The following OTOGL variants were observed in gnomAD, a reference collection of about 807,000 sequenced individuals.
OTOGL encodes the protein otogelin-like protein.
Under a neutral mutation model 318.5 loss-of-function variants are expected in OTOGL, and 285 were observed. The ratio of observed to expected loss-of-function variants is 0.89; its 90% CI spans 0.81 to 0.99. The LOEUF (loss-of-function observed/expected upper bound fraction) is 0.99. Ranked by LOEUF, OTOGL falls within the 50% of genes least tolerant of loss-of-function variation. The probability of loss-of-function intolerance (pLI) is 0.00; values close to 1 mark genes in which losing one functional copy is unlikely to be tolerated. For missense variants in OTOGL, 2,899 were observed against 2,845.6 expected, an observed-to-expected ratio of 1.02 and a Z score of -0.43; for synonymous variants, 987 against 936.5, an observed-to-expected ratio of 1.05 and a Z score of -0.99.
intron 52 of OTOGL, among the ~76,000 whole-genome samples, chr12:80,362,588 A>G (rs1890302871): frequency 6.6e-6 from 1 of 152,200 alleles, no homozygotes; most frequent in Non-Finnish European, 1.5e-5. Flanking sequence ...TATCTTAACA[A>G]TAAAATTTGG....
intron 1 of OTOGL, among the ~76,000 whole-genome samples, chr12:80,188,537 C>CAAAA (rs1188831194): frequency 2.3e-4 from 33 of 144,864 alleles, no homozygotes; most frequent in African/African-American, 7.4e-4. Flanking sequence ...GACTCTGTCT[C>CAAAA]AAAAAAAAAA....
At chr12:80,365,184 C>T (rs1006478482) in intron 52 of OTOGL, among the ~76,000 whole-genome samples, 6 of 151,942 alleles carry the variant, frequency 3.9e-5, no homozygotes, top group Non-Finnish European at 8.8e-5. Context: ...AACATATGTC[C>T]ACATAAAAAC....
chr12:80,149,373 G>GGGGGCCA (rs1298618261), intron 1 of OTOGL, among the ~76,000 whole-genome samples: 3 of 152,042 alleles, frequency 2.0e-5, no homozygotes, highest in African/African-American at 7.2e-5. Context: ...CTCGGGGGTC[G>GGGGGCCA]GGGGCCAGGG....
chr12:80,284,008 C>T (rs1211964148), intron 26 of OTOGL, among the ~76,000 whole-genome samples: 1 of 152,058 alleles, frequency 6.6e-6, no homozygotes, highest in Non-Finnish European at 1.5e-5. Context: ...GGTATTTGTC[C>T]TAATGCTCTC....
chr12:80,126,250 C>A (rs201378542), intron 1 of OTOGL, among the ~76,000 whole-genome samples: 12 of 152,066 alleles, frequency 7.9e-5, no homozygotes, highest in Non-Finnish European at 1.5e-4. Flanking sequence ...TCTTTGTTCT[C>A]GTTGGTTTCA....
intron 26 of OTOGL, among the ~76,000 whole-genome samples, chr12:80,287,570 T>C (rs985609519): frequency 2.0e-5 from 3 of 152,238 alleles, no homozygotes; most frequent in Non-Finnish European, 4.4e-5. Context: ...GCTTTATGAA[T>C]CTGAGTGCTC....
chr12:80,103,833 T>C (rs1422519952), intron 1 of OTOGL, among the ~76,000 whole-genome samples: 1 of 152,234 alleles, frequency 6.6e-6, no homozygotes, highest in Non-Finnish European at 1.5e-5. Context: ...GGGCCTGTAA[T>C]GATGTAATTG....
intron 1 of OTOGL, among the ~76,000 whole-genome samples, chr12:80,156,329 C>G (rs1873112746): frequency 1.3e-5 from 2 of 152,166 alleles, no homozygotes; most frequent in Admixed American, 6.5e-5. Context: ...GACTGGCTTC[C>G]TTGCTTCTCA....
At chr12:80,233,128 C>A in intron 9 of OTOGL, 31 bp downstream of exon 9, 1 of 1,518,184 alleles carries the variant, frequency 6.6e-7, no homozygotes, top group East Asian at 2.3e-5. Flanking sequence ...GTGTGGGTAC[C>A]TTCTAAAGCC....
chr12:80,307,160 A>C (rs968492567), intron 29 of OTOGL, among the ~76,000 whole-genome samples: 18 of 151,328 alleles, frequency 1.2e-4, no homozygotes, highest in African/African-American at 2.9e-4. Flanking sequence ...AAGGCAGAAG[A>C]ATTTTTCTTA....
Position 80,310,635 on chromosome 12 carries a change from A to G in OTOGL, c.3358A>G (p.Lys1120Glu), listed in dbSNP as rs780411132. The G allele has an allele frequency of 8.2e-6, 13 of 1,593,504 alleles. No individual in the cohort carries two copies. The highest frequency in any genetic ancestry group is 1.7e-6 in the Non-Finnish European group (2 of 1,174,566). ...GQCESPDETI[K>E]PCEAHQNKFP... ...GTGTGAAAGTCCAGATGAAACAATT[A>G]AACCCTGTGAGGCACATCAAAACAA... Residue 1120 changes from lysine (K) to glutamate (E), a missense_variant, in exon 30 of 59, where the codon AAA becomes GAA. Lys to Glu is a moderately conservative substitution (Grantham distance 56, BLOSUM62 1). Transcript: ENST00000547103.
At chr12:80,216,963 G>T (rs917174496) in intron 4 of OTOGL, among the ~76,000 whole-genome samples, 3 of 151,754 alleles carry the variant, frequency 2.0e-5, no homozygotes, top group Non-Finnish European at 4.4e-5. Context: ...TAAAAGAAAA[G>T]AAAAAGAAAG....
chr12:80,193,279 A>ATC (rs1875821997), intron 1 of OTOGL, among the ~76,000 whole-genome samples: 1 of 152,160 alleles, frequency 6.6e-6, no homozygotes, highest in Non-Finnish European at 1.5e-5. Flanking sequence ...GCACTTTGGG[A>ATC]GGCTGTGGTG....
Position 80,305,625 on chromosome 12 carries a change from A to G in OTOGL, c.3263A>G (p.Asp1088Gly), listed in dbSNP as rs12422945. The change falls in exon 29 of 59, where the codon GAT becomes GGT. Residue 1088 changes from aspartate to glycine, a missense_variant. By Grantham distance (94) the Asp-to-Gly change is moderately conservative. This residue lies in a region of OTOGL where 2,607 missense variants were observed against 2,524.9 expected (regional missense o/e 1.03). Coordinates refer to ENST00000547103, the MANE Select transcript of OTOGL (RefSeq NM_001378609.3). ...AACTTTGACAAATGCACTTCAAATGATATGACCACATCTAATAACTTGGAA... is the reference window on the plus strand; with the variant it reads ...AACTTTGACAAATGCACTTCAAATGGTATGACCACATCTAATAACTTGGAA... ...CGNFDKCTSN[D>G]MTTSNNLEVR... is the part of the protein sequence containing the mutation. 70 of 1,582,842 alleles carry G rather than the reference A, an allele frequency of 4.4e-5. No individual in the cohort carries two copies. The Admixed American group carries it at 1.2e-3, about 27-fold the overall frequency.
intron 42 of OTOGL, among the ~76,000 whole-genome samples, chr12:80,338,806 T>C (rs1377393148): frequency 1.3e-5 from 2 of 151,914 alleles, no homozygotes; most frequent in South Asian, 2.1e-4. Context: ...GAAACAGACA[T>C]AGAAGTGTAC....
chr12:80,350,338 C>T lies in OTOGL; in HGVS notation c.5266-1957C>T, dbSNP rs528266046. ...CCTGTAGGTTGATTCTATATTTTGG[C>T]TATTGTGAATAATGCTGCAGTAAAC... On this transcript the variant is annotated intron_variant, in intron 44 of 58. Transcript: ENST00000547103. Among the ~76,000 whole-genome samples the T allele has an allele frequency of 8.5e-5, 13 of 152,214 alleles. No homozygotes were observed. In the East Asian group the frequency reaches 1.9e-3, roughly 23 times the overall value.
intron 6 of OTOGL, among the ~76,000 whole-genome samples, chr12:80,220,481 G>C (rs1052822105): frequency 1.3e-5 from 2 of 151,932 alleles, no homozygotes; most frequent in Non-Finnish European, 2.9e-5. Flanking sequence ...TTAAAACCAG[G>C]TTCTCATTCA....
Position 80,217,720 on chromosome 12 carries a change from G to T in OTOGL, c.235+56G>T, listed in dbSNP as rs1428988029. ...GCTTTCTCAGAAAATCCCTTTGGGGGATATATTGAATCAAGTATTTATTGT... is the reference window on the plus strand; with the variant it reads ...GCTTTCTCAGAAAATCCCTTTGGGGTATATATTGAATCAAGTATTTATTGT... On this transcript the variant is annotated intron_variant, in intron 5 of 58. Transcript: ENST00000547103. The T allele has an allele frequency of 7.0e-6, 9 of 1,277,360 alleles. No individual in the cohort carries two copies. In the South Asian group the frequency reaches 9.3e-5, roughly 13 times the overall value. 79.1% of individuals were successfully genotyped at this position (1,277,360 alleles called of 1,614,324 possible).
At position 80,353,411 on chromosome 12, in the gene OTOGL, C is replaced by A; in HGVS notation, c.5494C>A (p.His1832Asn). ...RTCLNQWFYG[H>N]TSCLNLREDC... ...ATGCCTGAACCAATGGTTCTATGGACACACTTCCTGTTTGAATCTAAGAGA... is the reference window on the plus strand; with the variant it reads ...ATGCCTGAACCAATGGTTCTATGGAAACACTTCCTGTTTGAATCTAAGAGA... Residue 1832 changes from histidine to asparagine, a missense_variant, in exon 46 of 59, where the codon CAC becomes AAC. By Grantham distance (68) the His-to-Asn change is moderately conservative. This residue lies in a region of OTOGL where 2,607 missense variants were observed against 2,524.9 expected (regional missense o/e 1.03). Transcript: ENST00000547103. The A allele has an allele frequency of 2.5e-6, 4 of 1,603,530 alleles. No homozygotes were observed. The highest frequency in any genetic ancestry group is 3.4e-6 in the Non-Finnish European group (4 of 1,174,562).
Sources: gnomAD v4.1 joint callset for allele counts (sites outside exome capture counted in the v4.1 genomes callset) on GRCh38, gnomAD v4.1.1 for gene constraint, gnomAD v4.1.1 regional missense constraint, MANE v1.5 for transcripts, NCBI Gene and HGNC (gene_info 2026-07-23, HGNC 2026-07-21) for gene names.